The following PDCD6IP variants were observed in gnomAD, a reference collection of about 807,000 sequenced individuals.
The protein encoded by PDCD6IP is programmed cell death 6-interacting protein.
A neutral mutation model predicts 103.7 loss-of-function variants in PDCD6IP; 43 were observed. That is an observed-to-expected ratio of 0.41 (90% CI 0.32 to 0.53). The LOEUF is 0.53. Among genes scored for constraint, PDCD6IP ranks in the 20% least tolerant of loss-of-function variants. The probability of loss-of-function intolerance (pLI) is 0.16; values close to 1 mark genes in which losing one functional copy is unlikely to be tolerated. For synonymous variants in PDCD6IP, 354 were observed against 378.7 expected (o/e 0.93, Z 0.76); for missense variants, 871 against 1,036.7 (o/e 0.84, Z 2.20).
In PDCD6IP at chr3:33,798,671, C is replaced by A; in HGVS notation, c.-58C>A. ...CGCCAGCCCAGTACCTCTCTCTCCT[C>A]GGCCCTCGTAAGCTGTCCGCGGTCT... On this transcript the variant is annotated 5_prime_UTR_variant, in exon 1 of 18. Transcript: ENST00000307296. 1 of 1,426,754 alleles carries A rather than the reference C, an allele frequency of 7.0e-7. No homozygotes were observed. The highest frequency in any genetic ancestry group is 9.4e-7 in the Non-Finnish European group (1 of 1,059,838). 88.4% of individuals were successfully genotyped at this position (1,426,754 alleles called of 1,614,324 possible).
At chr3:33,865,941 A>T (rs1434882220) in intron 17 of PDCD6IP, among the ~76,000 whole-genome samples, 1 of 152,236 alleles carries the variant, frequency 6.6e-6, no homozygotes, top group Admixed American at 6.5e-5. Context: ...CTTAGTAAGT[A>T]CATGTTGTCT....
chr3:33,864,160 G>A, intron 16 of PDCD6IP, 31 bp downstream of exon 16: 1 of 1,237,056 alleles, frequency 8.1e-7, no homozygotes, highest in East Asian at 2.3e-5. Flanking sequence ...TTTAAACAGA[G>A]GTTTTACATT....
chr3:33,845,083 T>C (rs1697563145), intron 11 of PDCD6IP, among the ~76,000 whole-genome samples: 1 of 152,154 alleles, frequency 6.6e-6, no homozygotes, highest in South Asian at 2.1e-4. Context: ...GAGGAATACT[T>C]TTAAAATAAA....
At chr3:33,866,269 A>G in intron 17 of PDCD6IP, 82 bp from the exon 18 acceptor site, 3 of 921,206 alleles carry the variant, frequency 3.3e-6, no homozygotes, top group Non-Finnish European at 4.7e-6. Flanking sequence ...ACTTTCATGA[A>G]AAACGTAGTT....
rs373330815 is a variant in PDCD6IP, at chr3:33,845,599, C to T, written c.1641+11C>T. Reference sequence around the variant, plus strand: ...ATGCAGGGCAGTGAGGTAAGAAGGACACTTTGATGTAGGTTGTCATCTGCT... The same window carrying T: ...ATGCAGGGCAGTGAGGTAAGAAGGATACTTTGATGTAGGTTGTCATCTGCT... On this transcript the variant is annotated intron_variant, in intron 12 of 17. Coordinates refer to ENST00000307296, the MANE Select transcript of PDCD6IP (RefSeq NM_013374.6). The T allele has an allele frequency of 8.3e-5, 132 of 1,584,948 alleles. No individual in the cohort carries two copies. In the African/African-American group the frequency reaches 1.6e-3, roughly 20 times the overall value.
At chr3:33,830,946 T>C (rs559328019) in intron 7 of PDCD6IP, among the ~76,000 whole-genome samples, 23 of 152,250 alleles carry the variant, frequency 1.5e-4, no homozygotes, top group Non-Finnish European at 2.8e-4. Context: ...TTTCTAGTTA[T>C]GGCTACTAGC....
rs558027989 is a variant in PDCD6IP at position 33,814,696 on chromosome 3, T to C, written c.334+1068T>C. 1.7e-4 allele frequency among the ~76,000 whole-genome samples: 25 copies of C among 146,310 alleles called. No individual in the cohort carries two copies. The South Asian group carries it at 5.1e-3, about 30-fold the overall frequency. ...ATATATGTGTATATAATGTGTATTA[T>C]ATATATGTATGTATATATGTAAGTA... On this transcript the variant is annotated intron_variant, in intron 3 of 17. Transcript: ENST00000307296.
At chr3:33,816,503 T>TAAAAAA (rs57317946) in intron 3 of PDCD6IP, among the ~76,000 whole-genome samples, 7 of 57,620 alleles carry the variant, frequency 1.2e-4, no homozygotes, top group Middle Eastern at 0.01. Flanking sequence ...AGATTCTGTC[T>TAAAAAA]AAAAAAAAAA....
intron 8 of PDCD6IP, 59 bp downstream of exon 8, chr3:33,836,325 C>G: frequency 1.0e-6 from 1 of 967,998 alleles, no homozygotes; most frequent in Non-Finnish European, 1.6e-6. Flanking sequence ...CTCTGTTTTT[C>G]CTAGCTAAAA....
chr3:33,847,109 C>G (rs1209024742), intron 12 of PDCD6IP, among the ~76,000 whole-genome samples: 1 of 152,220 alleles, frequency 6.6e-6, no homozygotes, highest in East Asian at 1.9e-4. Context: ...ACCCTTCGAA[C>G]AGCAATAAAT....
At chr3:33,807,372 T>C (rs1394467173) in intron 1 of PDCD6IP, among the ~76,000 whole-genome samples, 2 of 152,224 alleles carry the variant, frequency 1.3e-5, no homozygotes, top group African/African-American at 4.8e-5. Context: ...TTGCCTCTGT[T>C]CCATTCTCCC....
At chr3:33,837,316 C>T (rs577643281) in intron 8 of PDCD6IP, among the ~76,000 whole-genome samples, 1 of 152,326 alleles carries the variant, frequency 6.6e-6, no homozygotes, top group South Asian at 2.1e-4. Context: ...TAGCCTCTAG[C>T]TGAGATTCCA....
chr3:33,811,173 C>T, intron 1 of PDCD6IP: 2 of 323,914 alleles, frequency 6.2e-6, no homozygotes, highest in Admixed American at 3.4e-5. Flanking sequence ...GCGTGATCTG[C>T]TGTGCCTGGC....
chr3:33,841,324 G>A (rs1697465091), intron 9 of PDCD6IP, among the ~76,000 whole-genome samples: 1 of 151,182 alleles, frequency 6.6e-6, no homozygotes, highest in African/African-American at 2.4e-5. Flanking sequence ...CACTGCACCA[G>A]CCTATTTTTT....
chr3:33,827,342 T>G, intron 6 of PDCD6IP: 1 of 457,674 alleles, frequency 2.2e-6, no homozygotes, highest in Non-Finnish European at 2.9e-6. Flanking sequence ...GTTACATGAT[T>G]TTTTTTGGTA....
At chr3:33,799,156 A>C in intron 1 of PDCD6IP, 1 of 580,492 alleles carries the variant, frequency 1.7e-6, no homozygotes, top group East Asian at 2.8e-5. Flanking sequence ...CGTCTGCTCT[A>C]GCCCTTGGTC....
intron 1 of PDCD6IP, among the ~76,000 whole-genome samples, chr3:33,800,264 A>C (rs1376368392): frequency 2.0e-5 from 3 of 151,950 alleles, no homozygotes; most frequent in African/African-American, 7.3e-5. Flanking sequence ...ATGTATTGAG[A>C]GGGATGGCTG....
chr3:33,845,230 G>A (rs534833200), intron 11 of PDCD6IP, among the ~76,000 whole-genome samples, 189 bp from the exon 12 acceptor site: 29 of 152,256 alleles, frequency 1.9e-4, no homozygotes, highest in African/African-American at 7.0e-4. Context: ...GATTTTATAA[G>A]TGATTTTGTC....
intron 3 of PDCD6IP, among the ~76,000 whole-genome samples, chr3:33,819,808 T>TA (rs1696947327): frequency 6.6e-6 from 1 of 152,240 alleles, no homozygotes; most frequent in African/African-American, 2.4e-5. Flanking sequence ...CTGTGAGTAA[T>TA]AGGGAGCTAT....
Sources: gnomAD v4.1 joint callset for allele counts (sites outside exome capture counted in the v4.1 genomes callset) on GRCh38, gnomAD v4.1.1 for gene constraint, MANE v1.5 for transcripts, NCBI Gene and HGNC (gene_info 2026-07-23, HGNC 2026-07-21) for gene names.